Variants in EBF2 observed in about 807,000 individuals in gnomAD.
EBF2 encodes transcription factor COE2.
A neutral mutation model predicts 72.8 loss-of-function variants in EBF2; 21 were observed. The ratio of observed to expected loss-of-function variants is 0.29; its 90% CI spans 0.20 to 0.42. EBF2 has a LOEUF of 0.42. EBF2 is among the 10% of genes least tolerant of loss of function. The pLI, the probability that EBF2 is intolerant of heterozygous loss-of-function variation, is 1.00. For synonymous variants in EBF2, 299 were observed against 274.2 expected (o/e 1.09, Z -0.89); for missense variants, 637 against 731.2 (o/e 0.87, Z 1.49).
At chr8:25,911,454 C>A (rs1177514702) in intron 6 of EBF2, among the ~76,000 whole-genome samples, 1 of 152,122 alleles carries the variant, frequency 6.6e-6, no homozygotes, top group Non-Finnish European at 1.5e-5. Context: ...GCAACTCAAA[C>A]CTTCAGATGG....
chr8:25,936,482 C>G (rs1803581016), intron 6 of EBF2, among the ~76,000 whole-genome samples: 1 of 152,114 alleles, frequency 6.6e-6, no homozygotes. Flanking sequence ...ATGGGAACCC[C>G]AAATTGTAAT....
At chr8:25,924,361 C>T (rs1437209730) in intron 6 of EBF2, among the ~76,000 whole-genome samples, 2 of 152,222 alleles carry the variant, frequency 1.3e-5, no homozygotes, top group African/African-American at 2.4e-5. Flanking sequence ...TCTTCCTACT[C>T]AGTAAAAGTG....
At chr8:25,978,636 G>A (rs1804306009) in intron 6 of EBF2, among the ~76,000 whole-genome samples, 1 of 152,314 alleles carries the variant, frequency 6.6e-6, no homozygotes, top group Middle Eastern at 3.4e-3. Flanking sequence ...TCTGGCTGCA[G>A]GTTCAGAACC....
At chr8:25,938,956 A>G (rs1207595812) in intron 6 of EBF2, among the ~76,000 whole-genome samples, 3 of 152,124 alleles carry the variant, frequency 2.0e-5, no homozygotes, top group East Asian at 1.9e-4. Context: ...TCTTCCTCTT[A>G]CAGCTGAGCT....
At chr8:26,027,877 T>C (rs1247914859) in intron 6 of EBF2, among the ~76,000 whole-genome samples, 1 of 152,200 alleles carries the variant, frequency 6.6e-6, no homozygotes, top group Admixed American at 6.5e-5. Flanking sequence ...AAGCACTACC[T>C]GGTTCCATTT....
chr8:25,870,055 T>C (rs535436188), intron 10 of EBF2, among the ~76,000 whole-genome samples: 35 of 152,158 alleles, frequency 2.3e-4, no homozygotes, highest in Non-Finnish European at 4.3e-4. Context: ...AAGAGCATGA[T>C]GGGCATCCTC....
intron 6 of EBF2, among the ~76,000 whole-genome samples, chr8:26,012,724 G>C (rs1451461573): frequency 6.6e-6 from 1 of 152,136 alleles, no homozygotes; most frequent in African/African-American, 2.4e-5. Context: ...ATTTCAAACA[G>C]GTGATCCTAG....
chr8:25,988,985 G>A (rs1804503211), intron 6 of EBF2, among the ~76,000 whole-genome samples: 1 of 152,188 alleles, frequency 6.6e-6, no homozygotes, highest in South Asian at 2.1e-4. Context: ...AATTAATTAT[G>A]TGATATCCAA....
chr8:25,945,093 C>CA (rs1394881996), intron 6 of EBF2, among the ~76,000 whole-genome samples: 2 of 138,708 alleles, frequency 1.4e-5, no homozygotes, highest in South Asian at 2.6e-4. Flanking sequence ...CTGTTGCCCC[C>CA]CCCGCCCCAC....
intron 14 of EBF2, among the ~76,000 whole-genome samples, chr8:25,852,192 A>G (rs1207619979): frequency 6.6e-6 from 1 of 152,154 alleles, no homozygotes; most frequent in Admixed American, 6.5e-5. Context: ...AAATGAATAA[A>G]AACACTGTTG....
intron 10 of EBF2, among the ~76,000 whole-genome samples, chr8:25,874,489 G>C (rs532406564): frequency 6.6e-6 from 1 of 151,996 alleles, no homozygotes; most frequent in African/African-American, 2.4e-5. Context: ...TGAATTATCT[G>C]GTTTCTTGGT....
At chr8:25,965,190 A>G (rs1005500200) in intron 6 of EBF2, among the ~76,000 whole-genome samples, 1 of 152,204 alleles carries the variant, frequency 6.6e-6, no homozygotes, top group Admixed American at 6.5e-5. Context: ...TTGCCACTGA[A>G]TTAATCACAG....
intron 6 of EBF2, among the ~76,000 whole-genome samples, chr8:25,911,889 G>A (rs894072150): frequency 6.6e-6 from 1 of 152,196 alleles, no homozygotes; most frequent in African/African-American, 2.4e-5. Flanking sequence ...GACATCCAGG[G>A]TGACGCCGTG....
intron 6 of EBF2, among the ~76,000 whole-genome samples, chr8:25,974,396 G>C (rs1804235081): frequency 6.6e-6 from 1 of 152,324 alleles, no homozygotes; most frequent in Non-Finnish European, 1.5e-5. Flanking sequence ...CAAGTACACT[G>C]TATCTCCTTG....
Position 25,945,513 on chromosome 8 carries a change from T to C in EBF2, c.552-36958A>G, listed in dbSNP as rs1056668886. Among the ~76,000 whole-genome samples the C allele has an allele frequency of 7.9e-5, 12 of 151,908 alleles. 1 individual carries two copies. The highest frequency in any genetic ancestry group is 5.3e-4 in the Admixed American group (8 of 15,220). ...GAGCCTCCCTAGGTTTGCTCAATAC[T>C]GAGGGTGTCTCTTGTCCCAAGTACC... is the stretch of plus-strand genomic sequence containing the variant. On this transcript the variant is annotated intron_variant, in intron 6 of 15. Transcript: ENST00000520164.
At chr8:25,979,393 A>G (rs1219032120) in intron 6 of EBF2, among the ~76,000 whole-genome samples, 2 of 152,208 alleles carry the variant, frequency 1.3e-5, no homozygotes, top group African/African-American at 4.8e-5. Flanking sequence ...GTGTCATGCC[A>G]CACGGCATTC....
intron 5 of EBF2, among the ~76,000 whole-genome samples, chr8:26,034,348 C>G (rs1034837346): frequency 6.6e-6 from 1 of 152,188 alleles, no homozygotes; most frequent in Non-Finnish European, 1.5e-5. Context: ...AGTCCCAGCT[C>G]TGAAAACTCC....
chr8:26,023,998 AAAGT>A (rs1166316685), intron 6 of EBF2, among the ~76,000 whole-genome samples: 1 of 152,200 alleles, frequency 6.6e-6, no homozygotes, highest in Non-Finnish European at 1.5e-5. Flanking sequence ...CATCGCTAAC[AAAGT>A]AATGTCAAAA....
At chr8:25,963,464 A>C (rs1192512712) in intron 6 of EBF2, among the ~76,000 whole-genome samples, 2 of 152,192 alleles carry the variant, frequency 1.3e-5, no homozygotes, top group African/African-American at 4.8e-5. Flanking sequence ...GCTCTCAAGG[A>C]TATTTTTGCA....
Sources: gnomAD v4.1 joint callset for allele counts (sites outside exome capture counted in the v4.1 genomes callset) on GRCh38, gnomAD v4.1.1 for gene constraint, MANE v1.5 for transcripts, NCBI Gene and HGNC (gene_info 2026-07-23, HGNC 2026-07-21) for gene names.